PALM2AKAP2: variants seen among roughly 807,000 people sequenced by gnomAD.
The protein encoded by PALM2AKAP2 is PALM2-AKAP2 fusion protein.
A neutral mutation model predicts 71.5 loss-of-function variants in PALM2AKAP2; 37 were observed. The ratio of observed to expected loss-of-function variants is 0.52; its 90% CI spans 0.40 to 0.68. The LOEUF (loss-of-function observed/expected upper bound fraction) is 0.68, where lower values mean the gene tolerates loss of function less well. Ranked by LOEUF, PALM2AKAP2 falls within the 30% of genes least tolerant of loss-of-function variation. The probability of loss-of-function intolerance (pLI) is 0.00; values close to 1 mark genes in which losing one functional copy is unlikely to be tolerated. For missense variants in PALM2AKAP2, 1,224 were observed against 1,191.8 expected (o/e 1.03, Z -0.40); for synonymous variants, 468 against 478.8 (o/e 0.98, Z 0.29).
chr9:109,714,237 G>A (rs932032369), intron 1 of PALM2AKAP2, among the ~76,000 whole-genome samples: 3 of 152,066 alleles, frequency 2.0e-5, no homozygotes, highest in African/African-American at 7.2e-5. Context: ...AGAGAATATT[G>A]TGCTCCTATT....
At chr9:109,773,849 G>T (rs1829310417) in intron 1 of PALM2AKAP2, among the ~76,000 whole-genome samples, 1 of 38,306 alleles carries the variant, frequency 2.6e-5, no homozygotes, top group Non-Finnish European at 4.0e-5. Context: ...AGCAATTTTT[G>T]AGACTGGCTA....
At chr9:109,996,238 G>A (rs1022745357) in intron 6 of PALM2AKAP2, among the ~76,000 whole-genome samples, 3 of 152,222 alleles carry the variant, frequency 2.0e-5, no homozygotes, top group Non-Finnish European at 2.9e-5. Context: ...AAATAAGGGT[G>A]GCAAACTTAA....
At chr9:109,978,587 T>A (rs1832211073) in intron 6 of PALM2AKAP2, among the ~76,000 whole-genome samples, 1 of 152,176 alleles carries the variant, frequency 6.6e-6, no homozygotes, top group African/African-American at 2.4e-5. Context: ...ACTCTCTTTC[T>A]ATATCCACTC....
chr9:109,733,551 C>T lies in PALM2AKAP2; in HGVS notation c.6-46937C>T, dbSNP rs148579696. Among the ~76,000 whole-genome samples, 418 of 152,254 alleles carry T rather than the reference C, an allele frequency of 2.7e-3. 7 individuals carry two copies. Among genetic ancestry groups the T allele is most frequent in the Admixed American group, 0.025 (379 of 15,286 alleles). On this transcript the variant is annotated intron_variant, in intron 1 of 6. Transcript: ENST00000374531. Reference sequence around the variant, plus strand: ...CTTTCCCCTTCCGTAGTCCTTACTTCGTTTTCAATCTGTGTGTAGGGCCAT... The same window carrying T: ...CTTTCCCCTTCCGTAGTCCTTACTTTGTTTTCAATCTGTGTGTAGGGCCAT...
chr9:109,724,441 A>G (rs1205908629), intron 1 of PALM2AKAP2, among the ~76,000 whole-genome samples: 1 of 152,208 alleles, frequency 6.6e-6, no homozygotes, highest in Non-Finnish European at 1.5e-5. Context: ...AAACTTGAAA[A>G]ACCAATAAAA....
intron 3 of PALM2AKAP2, among the ~76,000 whole-genome samples, chr9:109,890,128 C>T (rs564237720): frequency 3.0e-4 from 46 of 152,330 alleles, no homozygotes; most frequent in Middle Eastern, 6.8e-3. Flanking sequence ...TGTTGACATA[C>T]TCTTCCACAG....
intron 1 of PALM2AKAP2, among the ~76,000 whole-genome samples, chr9:109,846,048 G>T (rs1828843511): frequency 6.6e-6 from 1 of 152,230 alleles, no homozygotes; most frequent in Admixed American, 6.5e-5. Context: ...AGAGGGCCAT[G>T]TGGGGGGCAG....
chr9:109,936,463 T>C (rs1304591269), intron 6 of PALM2AKAP2, among the ~76,000 whole-genome samples: 1 of 152,208 alleles, frequency 6.6e-6, no homozygotes, highest in Non-Finnish European at 1.5e-5. Context: ...AAAGATAATA[T>C]GTGAACACAT....
intron 1 of PALM2AKAP2, among the ~76,000 whole-genome samples, chr9:110,077,426 C>T (rs1460966016): frequency 6.6e-6 from 1 of 152,148 alleles, no homozygotes; most frequent in Admixed American, 6.5e-5. Context: ...GTGACGTGGG[C>T]AAGTTCTCCC....
intron 1 of PALM2AKAP2, among the ~76,000 whole-genome samples, chr9:109,713,366 A>G (rs955061096): frequency 6.6e-6 from 1 of 152,188 alleles, no homozygotes; most frequent in African/African-American, 2.4e-5. Context: ...GGGCATCAAC[A>G]GGTGGTAAGA....
At chr9:110,102,712 G>C (rs904679011) in intron 1 of PALM2AKAP2, among the ~76,000 whole-genome samples, 11 of 152,070 alleles carry the variant, frequency 7.2e-5, no homozygotes, top group Admixed American at 5.2e-4. Context: ...TCACTATTAG[G>C]ACAGAAAAAC....
intron 1 of PALM2AKAP2, among the ~76,000 whole-genome samples, chr9:109,705,728 G>A (rs1828133322): frequency 6.6e-6 from 1 of 152,196 alleles, no homozygotes; most frequent in African/African-American, 2.4e-5. Flanking sequence ...GATATTTGGA[G>A]TCAGACTACT....
At chr9:110,082,543 G>A (rs1364107259) in intron 1 of PALM2AKAP2, among the ~76,000 whole-genome samples, 2 of 152,130 alleles carry the variant, frequency 1.3e-5, no homozygotes, top group African/African-American at 4.8e-5. Flanking sequence ...TGCTGATCTG[G>A]CCTAAAGAGT....
At chr9:109,771,264 G>C (rs1829257276) in intron 1 of PALM2AKAP2, among the ~76,000 whole-genome samples, 1 of 152,196 alleles carries the variant, frequency 6.6e-6, no homozygotes, top group Non-Finnish European at 1.5e-5. Flanking sequence ...CATACCAAGA[G>C]GGGGTGGGAT....
intron 1 of PALM2AKAP2, among the ~76,000 whole-genome samples, chr9:109,735,970 C>T (rs922211017): frequency 5.3e-5 from 8 of 152,186 alleles, no homozygotes; most frequent in African/African-American, 1.4e-4. Context: ...GCCAAGTAGG[C>T]GTTTCTCCCA....
intron 1 of PALM2AKAP2, among the ~76,000 whole-genome samples, chr9:109,745,013 A>T (rs1385695092): frequency 6.6e-6 from 1 of 152,154 alleles, no homozygotes; most frequent in Middle Eastern, 3.2e-3. Flanking sequence ...CCTTCTTCTC[A>T]GCCCAGGCAC....
chr9:110,079,934 G>T (rs912750708), intron 1 of PALM2AKAP2, among the ~76,000 whole-genome samples: 17 of 151,984 alleles, frequency 1.1e-4, no homozygotes, highest in African/African-American at 2.4e-4. Flanking sequence ...GCTGGGCGTG[G>T]TGGCAGGATC....
chr9:109,798,557 G>A (rs76674990), intron 1 of PALM2AKAP2, among the ~76,000 whole-genome samples: 9 of 152,240 alleles, frequency 5.9e-5, no homozygotes, highest in African/African-American at 2.2e-4. Flanking sequence ...CACATTTCAC[G>A]CTAAGGCATG....
At chr9:110,157,425 G>A (rs1207742770) in intron 3 of PALM2AKAP2, among the ~76,000 whole-genome samples, 3 of 151,038 alleles carry the variant, frequency 2.0e-5, no homozygotes, top group Non-Finnish European at 2.9e-5. Context: ...TTGAGACAGG[G>A]TCTGTCTCTG....
Sources: allele counts gnomAD v4.1 joint callset (sites outside exome capture counted in the v4.1 genomes callset), GRCh38; gene constraint gnomAD v4.1.1; transcripts MANE v1.5; gene names NCBI Gene and HGNC (gene_info 2026-07-23, HGNC 2026-07-21).